GULP1: variants seen among roughly 807,000 people sequenced by gnomAD.
The protein encoded by GULP1 is GULP PTB domain containing engulfment adaptor 1, also known as PTB domain-containing engulfment adapter protein 1.
A neutral mutation model predicts 40.9 loss-of-function variants in GULP1; 19 were observed. That is an observed-to-expected ratio of 0.46 (90% CI 0.32 to 0.68). The LOEUF (loss-of-function observed/expected upper bound fraction) is 0.68. Among genes scored for constraint, GULP1 ranks in the 30% least tolerant of loss-of-function variants. The pLI, the probability that GULP1 is intolerant of heterozygous loss-of-function variation, is 0.03. For synonymous variants in GULP1, 119 were observed against 117.6 expected (o/e 1.01, Z -0.08); for missense variants, 312 against 362.2 (o/e 0.86, Z 1.12).
At chr2:188,559,993 TC>T (rs1695833312) in intron 7 of GULP1, among the ~76,000 whole-genome samples, 1 of 152,176 alleles carries the variant, frequency 6.6e-6, no homozygotes, top group African/African-American at 2.4e-5. Flanking sequence ...TTCTGAGGCC[TC>T]CCCAGCCATG....
chr2:188,342,589 T>A lies in GULP1; in HGVS notation c.-171-41174T>A, dbSNP rs375029737. Among the ~76,000 whole-genome samples, 33 of 152,274 alleles carry A rather than the reference T, an allele frequency of 2.2e-4. 1 individual carries two copies. The highest frequency in any genetic ancestry group is 7.9e-4 in the African/African-American group (33 of 41,546). Reference sequence around the variant, plus strand: ...GACCACTATTTTTAAACCATACTATTTTGAGCATTTGTATTAAAGAAACAG... The same window carrying A: ...GACCACTATTTTTAAACCATACTATATTGAGCATTTGTATTAAAGAAACAG... On this transcript the variant is annotated intron_variant, in intron 1 of 11. Transcript: ENST00000409830.
At chr2:188,345,732 T>C (rs2043556531) in intron 1 of GULP1, among the ~76,000 whole-genome samples, 1 of 152,168 alleles carries the variant, frequency 6.6e-6, no homozygotes. Flanking sequence ...TCATTTAAGA[T>C]TAAAAAGATG....
intron 9 of GULP1, among the ~76,000 whole-genome samples, chr2:188,577,950 GT>G (rs1317517642): frequency 6.6e-6 from 1 of 151,680 alleles, no homozygotes; most frequent in Non-Finnish European, 1.5e-5. Flanking sequence ...AATTTTTCGG[GT>G]TTTTTAACTA....
intron 1 of GULP1, among the ~76,000 whole-genome samples, chr2:188,364,461 A>G (rs1327098535): frequency 6.6e-6 from 1 of 152,182 alleles, no homozygotes; most frequent in East Asian, 1.9e-4. Flanking sequence ...AATTTGGAAC[A>G]TTCTGTCTCC....
chr2:188,293,821 C>T (rs1391366906), intron 1 of GULP1: 1 of 152,340 alleles, frequency 6.6e-6, no homozygotes, highest in Non-Finnish European at 1.5e-5. Flanking sequence ...CCAAACTAGA[C>T]TGAGCTCAGT....
At chr2:188,556,411 C>G (rs750953387) in intron 7 of GULP1, among the ~76,000 whole-genome samples, 3 of 152,058 alleles carry the variant, frequency 2.0e-5, no homozygotes, top group African/African-American at 4.8e-5. Flanking sequence ...ATATCTATCT[C>G]TTCAGTATTT....
intron 3 of GULP1, among the ~76,000 whole-genome samples, chr2:188,481,293 T>A (rs1038720449): frequency 6.6e-6 from 1 of 152,002 alleles, no homozygotes; most frequent in African/African-American, 2.4e-5. Flanking sequence ...TATTTCCTAC[T>A]CAAGATTTAG....
chr2:188,585,806 T>C (rs1702256638), intron 10 of GULP1, among the ~76,000 whole-genome samples: 1 of 152,206 alleles, frequency 6.6e-6, no homozygotes, highest in Admixed American at 6.5e-5. Flanking sequence ...TTCCCCATTG[T>C]CTTGGCTATT....
intron 4 of GULP1, among the ~76,000 whole-genome samples, chr2:188,519,953 T>C (rs997334739): frequency 1.3e-5 from 2 of 152,166 alleles, no homozygotes; most frequent in African/African-American, 2.4e-5. Flanking sequence ...TCGTAACCAC[T>C]GCACCTGGCT....
chr2:188,512,015 T>G (rs777902030), intron 4 of GULP1, among the ~76,000 whole-genome samples: 27 of 152,190 alleles, frequency 1.8e-4, no homozygotes, highest in Non-Finnish European at 3.4e-4. Context: ...ATGACTATTA[T>G]GATGTGCTTT....
chr2:188,477,363 T>C (rs2061097867), intron 2 of GULP1, among the ~76,000 whole-genome samples: 1 of 152,098 alleles, frequency 6.6e-6, no homozygotes, highest in Admixed American at 6.6e-5. Context: ...AAAGTATTGA[T>C]CTTTCTTCTC....
At chr2:188,527,801 T>A (rs1318271284) in intron 5 of GULP1, among the ~76,000 whole-genome samples, 2 of 152,184 alleles carry the variant, frequency 1.3e-5, no homozygotes, top group African/African-American at 4.8e-5. Context: ...TGCAAAGCCA[T>A]GAAAAGAGAG....
intron 2 of GULP1, among the ~76,000 whole-genome samples, chr2:188,393,211 A>G (rs907364405): frequency 2.6e-5 from 4 of 151,828 alleles, no homozygotes; most frequent in East Asian, 3.9e-4. Context: ...GTTGCTACCC[A>G]TCTCATTTCT....
At chr2:188,560,408 A>G (rs999655750) in intron 7 of GULP1, among the ~76,000 whole-genome samples, 3 of 152,192 alleles carry the variant, frequency 2.0e-5, no homozygotes, top group Non-Finnish European at 4.4e-5. Context: ...CACTGTCTAC[A>G]TCACTATTGG....
chr2:188,479,927 A>G (rs909199925), intron 3 of GULP1, among the ~76,000 whole-genome samples: 1 of 152,126 alleles, frequency 6.6e-6, no homozygotes, highest in Non-Finnish European at 1.5e-5. Context: ...GATTTGCTTC[A>G]TTCTCTTTGA....
intron 4 of GULP1, among the ~76,000 whole-genome samples, chr2:188,485,896 C>T (rs1031679897): frequency 3.3e-5 from 5 of 151,944 alleles, no homozygotes; most frequent in African/African-American, 7.2e-5. Context: ...TCTGGCTCAT[C>T]CAGATTATCC....
At chr2:188,530,366 T>A (rs1687225793) in intron 6 of GULP1, among the ~76,000 whole-genome samples, 2 of 152,128 alleles carry the variant, frequency 1.3e-5, no homozygotes, top group African/African-American at 4.8e-5. Flanking sequence ...TCAAAGCAAA[T>A]AAAATATTTA....
chr2:188,421,540 A>C (rs950285229), intron 2 of GULP1, among the ~76,000 whole-genome samples: 1 of 152,184 alleles, frequency 6.6e-6, no homozygotes, highest in East Asian at 1.9e-4. Flanking sequence ...CCTACTTTAC[A>C]TTTATCAATC....
rs529731012 is a variant in GULP1 at position 188,595,524 on chromosome 2, A to T, written c.*1513A>T. The T allele has an allele frequency of 8.5e-5, 13 of 152,278 alleles. No homozygotes were observed. In the East Asian group the frequency reaches 2.5e-3, roughly 29 times the overall value. 9.4% of individuals were successfully genotyped at this position (152,278 alleles called of 1,614,324 possible). A position where few individuals can be genotyped will look rare whatever the true frequency, so the allele number is the denominator to read the frequency against. On this transcript the variant is annotated 3_prime_UTR_variant, in exon 12 of 12. Transcript: ENST00000409830. ...ATTAGAGGGCAATATATGTTTCATA[A>T]AGAAGAGTCTTTATAATTTTGTTTG...
Sources: allele counts gnomAD v4.1 joint callset (sites outside exome capture counted in the v4.1 genomes callset), GRCh38; gene constraint gnomAD v4.1.1; transcripts MANE v1.5; gene names NCBI Gene and HGNC (gene_info 2026-07-23, HGNC 2026-07-21).